Variants in PCDHA12 observed in about 807,000 individuals in gnomAD.
PCDHA12 encodes the protein protocadherin alpha 12, also known as protocadherin alpha-12.
Under a neutral mutation model 60.0 loss-of-function variants are expected in PCDHA12, and 44 were observed. The observed-to-expected ratio is 0.73, with a 90% confidence interval of 0.58 to 0.94. The LOEUF (loss-of-function observed/expected upper bound fraction) is 0.94. Ranked by LOEUF, PCDHA12 falls within the 40% of genes least tolerant of loss-of-function variation. The pLI is 0.00. For synonymous variants in PCDHA12, 569 were observed against 553.0 expected (o/e 1.03, Z -0.40); for missense variants, 1,276 against 1,239.7 (o/e 1.03, Z -0.44).
chr5:141,002,246 C>G (rs1217451636), intron 3 of PCDHA12, among the ~76,000 whole-genome samples: 1 of 152,190 alleles, frequency 6.6e-6, no homozygotes, highest in Non-Finnish European at 1.5e-5. Flanking sequence ...CTTTATTAAC[C>G]TCAGCACTGA....
At chr5:140,899,460 T>G (rs2153464035) in intron 1 of PCDHA12, among the ~76,000 whole-genome samples, 1 of 152,380 alleles carries the variant, frequency 6.6e-6, no homozygotes, top group East Asian at 1.9e-4. Context: ...ATGTGGTTTT[T>G]GTCTTTGGTT....
intron 1 of PCDHA12, among the ~76,000 whole-genome samples, chr5:140,918,743 A>T (rs1346660934): frequency 6.6e-6 from 1 of 152,196 alleles, no homozygotes; most frequent in Non-Finnish European, 1.5e-5. Flanking sequence ...CCCTTATAAA[A>T]GAGGCCCAGA....
chr5:140,914,944 CTTT>C (rs35695909), intron 1 of PCDHA12, among the ~76,000 whole-genome samples: 73 of 128,234 alleles, frequency 5.7e-4, no homozygotes, highest in African/African-American at 1.8e-3. Flanking sequence ...GAAAAGTTGT[CTTT>C]TTTTTTTTTT....
Position 140,992,419 on chromosome 5 carries a change from A to C in PCDHA12, c.2515+9856A>C, listed in dbSNP as rs554370784. The stretch of plus-strand genomic sequence containing the variant: ...GAGATATTGTTCTGCCCCAGGTCTA[A>C]GAATATTGTTCCAAGAGTTGGGAGC... On this transcript the variant is annotated intron_variant, in intron 3 of 3. Transcript: ENST00000398631. Among the ~76,000 whole-genome samples the C allele has an allele frequency of 3.3e-5, 5 of 152,318 alleles. No individual in the cohort carries two copies. In the East Asian group the frequency reaches 7.7e-4, roughly 23 times the overall value.
At chr5:140,890,718 T>A (rs2062769103) in intron 1 of PCDHA12, among the ~76,000 whole-genome samples, 1 of 152,212 alleles carries the variant, frequency 6.6e-6, no homozygotes, top group Non-Finnish European at 1.5e-5. Context: ...AAAATCTTTT[T>A]AATCCCTTTT....
In PCDHA12 at chr5:140,876,873, C is replaced by G. The variant is rs781921402; in HGVS notation, c.1401C>G (p.Asn467Lys). The G allele has an allele frequency of 6.2e-7, 1 of 1,614,128 alleles. No homozygotes were observed. The highest frequency in any genetic ancestry group is 8.5e-7 in the Non-Finnish European group (1 of 1,179,986). The change falls in exon 1 of 4, where the codon AAC becomes AAG. Residue 467 changes from asparagine (N) to lysine (K), a missense_variant. Coordinates refer to ENST00000398631, the MANE Select transcript of PCDHA12 (RefSeq NM_018903.4). ...AGTACACAGTGTTCGTGAAGGAGAA[C>G]AACCCGCCGGGCTGCCACATCTTCA... ...QPEYTVFVKENNPPGCHIFTV... is the reference protein window; with the variant it reads ...QPEYTVFVKEKNPPGCHIFTV...
intron 1 of PCDHA12, chr5:140,967,413 A>G: frequency 6.2e-7 from 1 of 1,613,218 alleles, no homozygotes; most frequent in Non-Finnish European, 8.5e-7. Context: ...AAGGGCCTAG[A>G]CCGGGAGCAG....
rs530428922 is a variant in PCDHA12, at chr5:140,875,375, A to G, written c.-98A>G. On this transcript the variant is annotated 5_prime_UTR_variant, in exon 1 of 4. Transcript: ENST00000398631. ...TGTGATGCTGGAAAAAATTTACTAA[A>G]TATGTACTTACAGAAAAGGGTGACT... 70 of 1,456,838 alleles carry G rather than the reference A, an allele frequency of 4.8e-5. No individual in the cohort carries two copies. The African/African-American group carries it at 9.9e-4, about 21-fold the overall frequency. The allele number at this position is 1,456,838 out of a possible 1,614,324, so 90.2% of individuals were successfully genotyped here. A position where few individuals can be genotyped will look rare whatever the true frequency, so the allele number is the denominator to read the frequency against.
intron 1 of PCDHA12, among the ~76,000 whole-genome samples, chr5:140,905,764 A>G (rs2072069491): frequency 6.6e-6 from 1 of 152,144 alleles, no homozygotes; most frequent in African/African-American, 2.4e-5. Flanking sequence ...TTGGTTAAGT[A>G]TATTCCGAAG....
At chr5:140,916,186 G>A (rs1321442931) in intron 1 of PCDHA12, among the ~76,000 whole-genome samples, 3 of 152,160 alleles carry the variant, frequency 2.0e-5, no homozygotes, top group Admixed American at 6.5e-5. Flanking sequence ...CTTCAAGGAA[G>A]TGGGCACCCC....
At position 140,879,675 on chromosome 5, in the gene PCDHA12, G is replaced by T. The variant is rs141369145; in HGVS notation, c.2367+1836G>T. ...TATAACAAACGAACACAAACTGGGT[G>T]CTGTAAAACAGCAAAAGTTTATTAT... On this transcript the variant is annotated intron_variant, in intron 1 of 3. Transcript: ENST00000398631. 5.3e-5 allele frequency among the ~76,000 whole-genome samples: 8 copies of T among 152,360 alleles called. No homozygotes were observed. The East Asian group carries it at 1.3e-3, about 26-fold the overall frequency.
intron 1 of PCDHA12, among the ~76,000 whole-genome samples, chr5:140,907,117 T>G (rs2073177882): frequency 6.6e-6 from 1 of 152,156 alleles, no homozygotes; most frequent in Non-Finnish European, 1.5e-5. Context: ...ACCCCTTGAT[T>G]CCTGGACCTG....
intron 3 of PCDHA12, among the ~76,000 whole-genome samples, chr5:140,993,468 A>T (rs1327306188): frequency 7.2e-5 from 5 of 69,412 alleles, no homozygotes; most frequent in Non-Finnish European, 1.2e-4. Flanking sequence ...TTTCTCACAC[A>T]CACACACACA....
At position 141,010,950 on chromosome 5, in the gene PCDHA12, A is replaced by G. The variant is rs1278386004; in HGVS notation, c.*1013A>G. The G allele has an allele frequency of 6.5e-6, 1 of 153,760 alleles. No homozygotes were observed. Among genetic ancestry groups the G allele is most frequent in the Admixed American group, 6.5e-5 (1 of 15,284 alleles). 9.5% of individuals were successfully genotyped at this position (153,760 alleles called of 1,614,324 possible). A position where few individuals can be genotyped will look rare whatever the true frequency, so the allele number is the denominator to read the frequency against. ...TCAGTCTACAGCCATTTAAATGATC[A>G]TTGCTGCTACAGAAGTGCTTTAAGA... is the stretch of plus-strand genomic sequence containing the variant. On this transcript the variant is annotated 3_prime_UTR_variant, in exon 4 of 4. Coordinates refer to ENST00000398631, the MANE Select transcript of PCDHA12 (RefSeq NM_018903.4).
chr5:140,898,653 G>A (rs1321472129), intron 1 of PCDHA12, among the ~76,000 whole-genome samples: 1 of 152,202 alleles, frequency 6.6e-6, no homozygotes, highest in Non-Finnish European at 1.5e-5. Context: ...TTTTGGCTTA[G>A]GATTGACTTG....
At chr5:140,902,038 A>G (rs900077287) in intron 1 of PCDHA12, among the ~76,000 whole-genome samples, 13 of 152,040 alleles carry the variant, frequency 8.6e-5, no homozygotes, top group African/African-American at 2.9e-4. Context: ...TAATTTTTGT[A>G]TGTTGATTTT....
intron 1 of PCDHA12, among the ~76,000 whole-genome samples, chr5:140,939,634 G>C (rs1032922800): frequency 3.9e-5 from 6 of 152,066 alleles, no homozygotes; most frequent in African/African-American, 7.2e-5. Context: ...AATCAATAAG[G>C]GTACTGAAAA....
At chr5:140,942,351 G>A (rs893015832) in intron 1 of PCDHA12, among the ~76,000 whole-genome samples, 1 of 152,024 alleles carries the variant, frequency 6.6e-6, no homozygotes, top group Admixed American at 6.6e-5. Flanking sequence ...GGCGGAGGTT[G>A]CAGTTAACGG....
intron 1 of PCDHA12, chr5:140,966,642 GA>G (rs1563353190): frequency 3.1e-5 from 35 of 1,117,790 alleles, no homozygotes; most frequent in Non-Finnish European, 4.1e-5. Context: ...GCGCTTTCTA[GA>G]GCGTGAGCGG....
Sources: allele counts gnomAD v4.1 joint callset (sites outside exome capture counted in the v4.1 genomes callset), GRCh38; gene constraint gnomAD v4.1.1; transcripts MANE v1.5; gene names NCBI Gene and HGNC (gene_info 2026-07-23, HGNC 2026-07-21).